The following ARHGAP24 variants were observed in gnomAD, a reference collection of about 807,000 sequenced individuals.
ARHGAP24 encodes rho GTPase-activating protein 24.
A neutral mutation model predicts 76.4 loss-of-function variants in ARHGAP24; 50 were observed. The observed-to-expected ratio is 0.65, with a 90% CI of 0.52 to 0.83. The LOEUF (loss-of-function observed/expected upper bound fraction) is 0.83. Among genes scored for constraint, ARHGAP24 ranks in the 40% least tolerant of loss-of-function variants. The pLI is 0.00. For missense variants in ARHGAP24, 930 were observed against 914.2 expected (o/e 1.02, Z -0.22); for synonymous variants, 345 against 323.3 (o/e 1.07, Z -0.72).
At chr4:85,907,629 G>C (rs975515933) in intron 3 of ARHGAP24, among the ~76,000 whole-genome samples, 1 of 152,136 alleles carries the variant, frequency 6.6e-6, no homozygotes, top group African/African-American at 2.4e-5. Flanking sequence ...GTGTGTCTAA[G>C]TATTGTACTT....
intron 5 of ARHGAP24, among the ~76,000 whole-genome samples, chr4:85,947,607 T>G (rs1737364821): frequency 6.6e-6 from 1 of 152,196 alleles, no homozygotes; most frequent in Admixed American, 6.5e-5. Flanking sequence ...ACTACATGGA[T>G]AGACACATGG....
intron 2 of ARHGAP24, among the ~76,000 whole-genome samples, chr4:85,613,435 A>G (rs752321321): frequency 6.6e-6 from 1 of 152,226 alleles, no homozygotes; most frequent in Non-Finnish European, 1.5e-5. Context: ...GTATATATAC[A>G]TATGTACATC....
chr4:85,597,609 A>G (rs139866074), intron 2 of ARHGAP24, among the ~76,000 whole-genome samples: 2 of 120,372 alleles, frequency 1.7e-5, no homozygotes, highest in African/African-American at 6.4e-5. Flanking sequence ...TATAACATTT[A>G]TAATCCTTTA....
chr4:85,735,983 A>G (rs751802916), intron 3 of ARHGAP24, among the ~76,000 whole-genome samples: 3 of 152,024 alleles, frequency 2.0e-5, no homozygotes, highest in African/African-American at 7.2e-5. Context: ...TGCTCTGTGT[A>G]CTCTACCACA....
intron 1 of ARHGAP24, among the ~76,000 whole-genome samples, chr4:85,511,006 G>C (rs961580785): frequency 6.6e-6 from 1 of 152,086 alleles, no homozygotes; most frequent in Non-Finnish European, 1.5e-5. Context: ...AGTTCTTATA[G>C]TATGGTAATT....
intron 3 of ARHGAP24, among the ~76,000 whole-genome samples, chr4:85,880,640 T>A (rs1733196883): frequency 6.6e-6 from 1 of 152,168 alleles, no homozygotes; most frequent in Non-Finnish European, 1.5e-5. Context: ...GCCATTCTCC[T>A]GCCTCAGCCT....
At chr4:85,534,208 G>A (rs1725377283) in intron 1 of ARHGAP24, among the ~76,000 whole-genome samples, 1 of 152,104 alleles carries the variant, frequency 6.6e-6, no homozygotes, top group Non-Finnish European at 1.5e-5. Flanking sequence ...TTACCAGTAA[G>A]GAAAGGCAAG....
At chr4:85,670,873 A>G (rs1367066971) in intron 2 of ARHGAP24, among the ~76,000 whole-genome samples, 3 of 152,154 alleles carry the variant, frequency 2.0e-5, no homozygotes, top group Non-Finnish European at 4.4e-5. Context: ...CAGTTCTCAA[A>G]CAGGGACATG....
At chr4:85,983,470 G>T (rs987921079) in intron 8 of ARHGAP24, among the ~76,000 whole-genome samples, 2 of 152,046 alleles carry the variant, frequency 1.3e-5, no homozygotes, top group Non-Finnish European at 2.9e-5. Context: ...TCACCATTCT[G>T]ACTGGCATGA....
intron 5 of ARHGAP24, among the ~76,000 whole-genome samples, chr4:85,963,905 C>CT (rs1004657797): frequency 1.9e-4 from 28 of 151,310 alleles, no homozygotes; most frequent in Admixed American, 1.2e-3. Flanking sequence ...TTTTTTTCAA[C>CT]TTTTTTTTAT....
At chr4:85,781,553 A>G (rs1050323042) in intron 3 of ARHGAP24, among the ~76,000 whole-genome samples, 8 of 151,064 alleles carry the variant, frequency 5.3e-5, no homozygotes, top group African/African-American at 2.0e-4. Context: ...TTGTATTAGA[A>G]GCTCATTTTT....
chr4:85,997,857 A>C (rs553276810), intron 9 of ARHGAP24, among the ~76,000 whole-genome samples: 1 of 151,836 alleles, frequency 6.6e-6, no homozygotes, highest in Non-Finnish European at 1.5e-5. Context: ...GGGTTTTACC[A>C]TGTTGGCCAG....
chr4:86,002,640 A>T lies in ARHGAP24; in HGVS notation c.*1918A>T, dbSNP rs923494149. 1 of 151,986 alleles carries T rather than the reference A, an allele frequency of 6.6e-6. No individual in the cohort carries two copies. The highest frequency in any genetic ancestry group is 2.4e-5 in the African/African-American group (1 of 41,354). The allele number at this position is 151,986 out of a possible 1,614,324, so 9.4% of individuals were successfully genotyped here. ...CATAACTTTTTTTTTCCTCTGTGCAATTGGAATAATAAAAATACTACTCCC... is the reference window on the plus strand; with the variant it reads ...CATAACTTTTTTTTTCCTCTGTGCATTTGGAATAATAAAAATACTACTCCC... On this transcript the variant is annotated 3_prime_UTR_variant, in exon 10 of 10. Transcript: ENST00000395184.
rs554440512 is a variant in ARHGAP24, at chr4:85,989,739, T to C, written c.929-4844T>C. On this transcript the variant is annotated intron_variant, in intron 8 of 9. Transcript: ENST00000395184. ...AGGTTGGTTAGCCAAAATCAATCAA[T>C]GTAATTCACTGTATTAATACACCAC... is the stretch of plus-strand genomic sequence containing the variant. Among the ~76,000 whole-genome samples, 91 of 151,840 alleles carry C rather than the reference T, an allele frequency of 6.0e-4. No homozygotes were observed. In the South Asian group the frequency reaches 0.018, roughly 30 times the overall value.
chr4:85,650,693 C>T (rs1181761182), intron 2 of ARHGAP24, among the ~76,000 whole-genome samples: 1 of 149,138 alleles, frequency 6.7e-6, no homozygotes, highest in Non-Finnish European at 1.5e-5. Flanking sequence ...AAGCAGTAGT[C>T]CCTATACTCT....
chr4:85,888,673 A>G (rs1462669628), intron 3 of ARHGAP24, among the ~76,000 whole-genome samples: 1 of 152,096 alleles, frequency 6.6e-6, no homozygotes, highest in Non-Finnish European at 1.5e-5. Flanking sequence ...TTGTTAACAT[A>G]GGTAAACTTG....
chr4:85,733,926 A>G (rs1189641720), intron 3 of ARHGAP24, among the ~76,000 whole-genome samples: 2 of 152,234 alleles, frequency 1.3e-5, no homozygotes, highest in Non-Finnish European at 2.9e-5. Context: ...GTAAGCCCAT[A>G]TCAGAATTAA....
At chr4:85,534,763 G>C in intron 1 of ARHGAP24, among the ~76,000 whole-genome samples, 1 of 151,928 alleles carries the variant, frequency 6.6e-6, no homozygotes, top group East Asian at 1.9e-4. Context: ...TCGTCACCAG[G>C]ATCATTCCTT....
intron 2 of ARHGAP24, among the ~76,000 whole-genome samples, chr4:85,576,708 T>C (rs1286405066): frequency 6.6e-6 from 1 of 152,176 alleles, no homozygotes; most frequent in Admixed American, 6.5e-5. Context: ...AGCACTTTCC[T>C]AGAAATGATT....
Sources: gnomAD v4.1 joint callset for allele counts (sites outside exome capture counted in the v4.1 genomes callset) on GRCh38, gnomAD v4.1.1 for gene constraint, MANE v1.5 for transcripts, NCBI Gene and HGNC (gene_info 2026-07-23, HGNC 2026-07-21) for gene names.